The following CELSR1 variants were observed in gnomAD, a reference collection of about 807,000 sequenced individuals.
CELSR1 encodes the protein adhesion G protein-coupled receptor C1.
Under a neutral mutation model 249.1 loss-of-function variants are expected in CELSR1, and 110 were observed. The observed-to-expected ratio is 0.44, with a 90% CI of 0.38 to 0.52. CELSR1 has a LOEUF of 0.52. CELSR1 is among the 20% of genes least tolerant of loss of function. The pLI, the probability that CELSR1 is intolerant of heterozygous loss-of-function variation, is 0.00. For missense variants in CELSR1, 4,109 were observed against 4,296.4 expected (o/e 0.96, Z 1.22); for synonymous variants, 2,113 against 1,900.0 (o/e 1.11, Z -2.92).
At chr22:46,379,162 C>T (rs75574438) in intron 22 of CELSR1, among the ~76,000 whole-genome samples, 8,758 of 152,256 alleles carry the variant, frequency 0.058, 833 homozygotes, top group African/African-American at 0.2. Context: ...GGCAGACGCT[C>T]TCAGAAAGGA....
Position 46,389,513 on chromosome 22 carries a change from G to A in CELSR1, c.6346-14C>T, listed in dbSNP as rs367672954. On this transcript the variant is annotated splice_polypyrimidine_tract_variant and intron_variant, in intron 17 of 34. Coordinates refer to ENST00000674500, the MANE Select transcript of CELSR1 (RefSeq NM_001378328.1). ...CAGCTTCTCATTCTGGAACAGGGAG[G>A]CAGTCGTGATGTGTGCAAACCCACT... 334 of 1,612,528 alleles carry A rather than the reference G, an allele frequency of 2.1e-4. No homozygotes were observed. The highest frequency in any genetic ancestry group is 2.8e-4 in the Non-Finnish European group (327 of 1,179,892).
rs928448613 is a variant in CELSR1, at chr22:46,407,551, G to A, written c.5226+1445C>T. ...GGAGGCTGAGGCAGGAGAATCGCTTGAACCTGGGGGGCAGAAGTTGCAGTG... is the reference window on the plus strand; with the variant it reads ...GGAGGCTGAGGCAGGAGAATCGCTTAAACCTGGGGGGCAGAAGTTGCAGTG... On this transcript the variant is annotated intron_variant, in intron 9 of 34. Transcript: ENST00000674500. The surrounding 1 kb of genome is among the most constrained non-coding windows in gnomAD (Gnocchi z 4.8). Among the ~76,000 whole-genome samples the A allele has an allele frequency of 3.9e-5, 6 of 152,116 alleles. No individual in the cohort carries two copies. Among genetic ancestry groups the A allele is most frequent in the Non-Finnish European group, 8.8e-5 (6 of 68,024 alleles).
Position 46,534,457 on chromosome 22 carries a change from G to C in CELSR1, c.2714C>G (p.Ala905Gly). 2 of 1,613,032 alleles carry C rather than the reference G, an allele frequency of 1.2e-6. No individual in the cohort carries two copies. Among genetic ancestry groups the C allele is most frequent in the Non-Finnish European group, 1.7e-6 (2 of 1,180,002 alleles). Residue 905 changes from alanine to glycine, a missense_variant, in exon 1 of 35, where the codon GCT becomes GGT. Physicochemically the swap from Ala to Gly is moderately conservative, Grantham distance 60 (BLOSUM62 0). This residue lies in a region of CELSR1 where 886 missense variants were observed against 896.5 expected (regional missense o/e 0.99). Transcript: ENST00000674500. This position sits in a 1 kb window ranked among gnomAD's most constrained non-coding sequence, Gnocchi z 9.7. ...DFYQGSIFED[A>G]PPSTSILQVS... ...CTGGAGGATGCTGGTCGAGGGTGGA[G>C]CATCCTCAAAGATGGAACCCTGGTA...
intron 18 of CELSR1, among the ~76,000 whole-genome samples, chr22:46,388,654 G>T (rs1424494578): frequency 6.6e-6 from 1 of 152,196 alleles, no homozygotes; most frequent in African/African-American, 2.4e-5. Flanking sequence ...TGGACGAAGA[G>T]GCCTGCAGCA....
chr22:46,484,549 T>C lies in CELSR1; in HGVS notation c.3545-20204A>G, dbSNP rs2080296432. ...ACTGACCCCTGATAGGGTTAGTGCCTCAAGTTAGAGCTGGGGGCAGCCCGG... is the reference window on the plus strand; with the variant it reads ...ACTGACCCCTGATAGGGTTAGTGCCCCAAGTTAGAGCTGGGGGCAGCCCGG... On this transcript the variant is annotated intron_variant, in intron 1 of 34. Coordinates refer to ENST00000674500, the MANE Select transcript of CELSR1 (RefSeq NM_001378328.1). The surrounding 1 kb of genome is among the most constrained non-coding windows in gnomAD (Gnocchi z 4.5). Among the ~76,000 whole-genome samples, 1 of 150,694 alleles carries C rather than the reference T, an allele frequency of 6.6e-6. No homozygotes were observed. The highest frequency in any genetic ancestry group is 1.5e-5 in the Non-Finnish European group (1 of 67,820).
rs2078726177 is a variant in CELSR1, at chr22:46,363,285, C to A, written c.9036-38G>T. ...AGAAGCCAGCAAGCAGGTGAAGGGT[C>A]AGTGAGGGTAGCGGCTTGGTGGGGC... On this transcript the variant is annotated intron_variant, in intron 34 of 34. Transcript: ENST00000674500. This position sits in a 1 kb window ranked among gnomAD's most constrained non-coding sequence, Gnocchi z 4.3. The A allele has an allele frequency of 3.8e-6, 6 of 1,584,228 alleles. No individual in the cohort carries two copies. Among genetic ancestry groups the A allele is most frequent in the Non-Finnish European group, 5.2e-6 (6 of 1,155,810 alleles).
At chr22:46,449,088 A>T (rs1377193134) in intron 2 of CELSR1, among the ~76,000 whole-genome samples, 1 of 125,162 alleles carries the variant, frequency 8.0e-6, no homozygotes, top group Non-Finnish European at 1.6e-5. Context: ...TTATTCACCC[A>T]TGAATCCATC....
At chr22:46,449,968 A>ACACACTCACATGCT (rs1479950956) in intron 2 of CELSR1, among the ~76,000 whole-genome samples, 1 of 152,146 alleles carries the variant, frequency 6.6e-6, no homozygotes, top group Non-Finnish European at 1.5e-5. Context: ...ACATGCTCAC[A>ACACACTCACATGCT]CACACTCACA....
At chr22:46,455,988 C>T (rs2079944769) in intron 2 of CELSR1, among the ~76,000 whole-genome samples, 1 of 152,160 alleles carries the variant, frequency 6.6e-6, no homozygotes, top group East Asian at 1.9e-4. Flanking sequence ...TTGAGAAGCA[C>T]CAAGGAGAGA....
At chr22:46,530,841 T>C (rs562107421) in intron 1 of CELSR1, among the ~76,000 whole-genome samples, 1 of 152,348 alleles carries the variant, frequency 6.6e-6, no homozygotes, top group East Asian at 1.9e-4. Context: ...TGCTGAAAGC[T>C]GGCAGCCCTT....
At chr22:46,479,550 G>A (rs2080245212) in intron 1 of CELSR1, among the ~76,000 whole-genome samples, 2 of 148,704 alleles carry the variant, frequency 1.3e-5, no homozygotes, top group East Asian at 4.2e-4. Flanking sequence ...CCTCTGGGCA[G>A]GAGATGCTGG....
intron 1 of CELSR1, among the ~76,000 whole-genome samples, chr22:46,525,688 C>T (rs1363296629): frequency 2.0e-5 from 3 of 152,242 alleles, no homozygotes; most frequent in South Asian, 2.1e-4. Flanking sequence ...CAAGTGCTGG[C>T]AGGGATGAGC....
chr22:46,527,374 G>C lies in CELSR1; in HGVS notation c.3544+6253C>G, dbSNP rs983481594. 3.3e-5 allele frequency among the ~76,000 whole-genome samples: 5 copies of C among 152,042 alleles called. No individual in the cohort carries two copies. The highest frequency in any genetic ancestry group is 1.2e-4 in the African/African-American group (5 of 41,376). ...GCTCTTGCCTAAATCCTCCCGAGGG[G>C]GCCCACCAAACCCTCCACAGTCAGC... On this transcript the variant is annotated intron_variant, in intron 1 of 34. Transcript: ENST00000674500. This position sits in a 1 kb window ranked among gnomAD's most constrained non-coding sequence, Gnocchi z 5.5.
At position 46,432,667 on chromosome 22, in the gene CELSR1, G is replaced by C. The variant is rs185489184; in HGVS notation, c.4611+726C>G. Among the ~76,000 whole-genome samples the C allele has an allele frequency of 9.8e-5, 15 of 152,364 alleles. No individual in the cohort carries two copies. The East Asian group carries it at 2.9e-3, about 29-fold the overall frequency. Reference sequence around the variant, plus strand: ...GAAACCAAAACCACCCAGCCTTCACGGCACTTCCTTGAAGAGTGTTCTGGC... The same window carrying C: ...GAAACCAAAACCACCCAGCCTTCACCGCACTTCCTTGAAGAGTGTTCTGGC... On this transcript the variant is annotated intron_variant, in intron 5 of 34. Coordinates refer to ENST00000674500, the MANE Select transcript of CELSR1 (RefSeq NM_001378328.1).
At chr22:46,531,438 T>C (rs915620230) in intron 1 of CELSR1, among the ~76,000 whole-genome samples, 1 of 152,198 alleles carries the variant, frequency 6.6e-6, no homozygotes, top group African/African-American at 2.4e-5. Context: ...ACTCCTGACC[T>C]CAGGTGATCC....
rs1453930424 is a variant in CELSR1 at position 46,408,735 on chromosome 22, G to A, written c.5226+261C>T. Among the ~76,000 whole-genome samples, 1 of 152,328 alleles carries A rather than the reference G, an allele frequency of 6.6e-6. No homozygotes were observed. Among genetic ancestry groups the A allele is most frequent in the Non-Finnish European group, 1.5e-5 (1 of 68,024 alleles). On this transcript the variant is annotated intron_variant, in intron 9 of 34. Coordinates refer to ENST00000674500, the MANE Select transcript of CELSR1 (RefSeq NM_001378328.1). The surrounding 1 kb of genome is among the most constrained non-coding windows in gnomAD (Gnocchi z 4.6). ...TGCCCACGCTCCAGCCAAACCCTCAGGCTAGAGGGAGACCAGAACTGCCGC... is the reference window on the plus strand; with the variant it reads ...TGCCCACGCTCCAGCCAAACCCTCAAGCTAGAGGGAGACCAGAACTGCCGC...
In CELSR1 at chr22:46,422,589, T is replaced by A. The variant is rs541696938; in HGVS notation, c.4611+10804A>T. ...CTCTACTAAAAAAAAATAATAATAA[T>A]AAAAAATAAATAAATAAATAAATAA... On this transcript the variant is annotated intron_variant, in intron 5 of 34. Coordinates refer to ENST00000674500, the MANE Select transcript of CELSR1 (RefSeq NM_001378328.1). 2.5e-3 allele frequency among the ~76,000 whole-genome samples: 360 copies of A among 145,242 alleles called. 2 individuals are homozygous for A. Among genetic ancestry groups the A allele is most frequent in the African/African-American group, 9.3e-3 (349 of 37,492 alleles).
At position 46,534,774 on chromosome 22, in the gene CELSR1, A is replaced by C. The variant is rs1479533471; in HGVS notation, c.2397T>G (p.Ser799Arg). ...TGGAGGTGCCCACAGGCCTGTCCTCACTGACACTCACTGTGTAATGGGAGC... is the reference window on the plus strand; with the variant it reads ...TGGAGGTGCCCACAGGCCTGTCCTCCCTGACACTCACTGTGTAATGGGAGC... ...FQSSHYTVSVSEDRPVGTSIA... is the reference protein window; with the variant it reads ...FQSSHYTVSVREDRPVGTSIA... Residue 799 changes from serine to arginine, a missense_variant, in exon 1 of 35, where the codon AGT becomes AGG. Transcript: ENST00000674500. The surrounding 1 kb of genome is among the most constrained non-coding windows in gnomAD (Gnocchi z 9.7). 1 of 1,612,994 alleles carries C rather than the reference A, an allele frequency of 6.2e-7. No homozygotes were observed. The highest frequency in any genetic ancestry group is 1.3e-5 in the African/African-American group (1 of 74,910).
chr22:46,478,206 C>T (rs998880384), intron 1 of CELSR1, among the ~76,000 whole-genome samples: 5 of 152,308 alleles, frequency 3.3e-5, no homozygotes, highest in South Asian at 2.1e-4. Flanking sequence ...CTGCGCCTCC[C>T]GACAGCGCCG....
Sources: allele counts gnomAD v4.1 joint callset (sites outside exome capture counted in the v4.1 genomes callset), GRCh38; gene constraint gnomAD v4.1.1; regional missense constraint gnomAD v4.1.1; non-coding constraint Gnocchi (gnomAD v3.1); transcripts MANE v1.5; gene names NCBI Gene and HGNC (gene_info 2026-07-23, HGNC 2026-07-21).